Variants in PAPPA2 observed in about 807,000 individuals in gnomAD.
The protein encoded by PAPPA2 is pappalysin-2.
A neutral mutation model predicts 176.4 loss-of-function variants in PAPPA2; 86 were observed. The observed-to-expected ratio is 0.49, with a 90% CI of 0.41 to 0.58. The LOEUF (loss-of-function observed/expected upper bound fraction) is 0.58, where lower values mean the gene tolerates loss of function less well. Among genes scored for constraint, PAPPA2 ranks in the 20% least tolerant of loss-of-function variants. PAPPA2 has a pLI of 0.00. For synonymous variants in PAPPA2, 809 were observed against 852.2 expected (o/e 0.95, Z 0.88); for missense variants, 2,073 against 2,256.9 (o/e 0.92, Z 1.65).
intron 1 of PAPPA2, among the ~76,000 whole-genome samples, chr1:176,550,671 C>T (rs2102580372): frequency 6.6e-6 from 1 of 152,268 alleles, no homozygotes; most frequent in East Asian, 1.9e-4. Flanking sequence ...TAAAACATGA[C>T]CATTAACACT....
At chr1:176,659,781 T>TA (rs1246400709) in intron 3 of PAPPA2, among the ~76,000 whole-genome samples, 1 of 152,114 alleles carries the variant, frequency 6.6e-6, no homozygotes, top group Non-Finnish European at 1.5e-5. Flanking sequence ...CTTATCTCTT[T>TA]AATGTGTCTG....
intron 1 of PAPPA2, among the ~76,000 whole-genome samples, chr1:176,519,578 G>T (rs919402564): frequency 2.0e-5 from 3 of 152,268 alleles, no homozygotes; most frequent in African/African-American, 7.2e-5. Flanking sequence ...TGCCATGAAG[G>T]CAGGAAAAAC....
chr1:176,543,582 A>G (rs774225706), intron 1 of PAPPA2, among the ~76,000 whole-genome samples: 16 of 151,840 alleles, frequency 1.1e-4, no homozygotes, highest in Non-Finnish European at 2.1e-4. Context: ...TTGAGGAACT[A>G]CCCCAAGACT....
chr1:176,657,225 A>T (rs889274311), intron 3 of PAPPA2, among the ~76,000 whole-genome samples: 2 of 151,978 alleles, frequency 1.3e-5, no homozygotes, highest in Non-Finnish European at 2.9e-5. Flanking sequence ...AATCTGTCAG[A>T]TGAAAAGAAG....
intron 3 of PAPPA2, among the ~76,000 whole-genome samples, chr1:176,622,189 G>T (rs1435181049): frequency 6.6e-6 from 1 of 152,158 alleles, no homozygotes; most frequent in East Asian, 1.9e-4. Context: ...GTTTCCTGAG[G>T]AAAGAGAAGT....
chr1:176,814,368 G>T (rs12123952), intron 21 of PAPPA2, among the ~76,000 whole-genome samples: 28,980 of 151,998 alleles, frequency 0.19, 5,084 homozygotes, highest in African/African-American at 0.47. Flanking sequence ...TATGAATTAC[G>T]TTGGACAGTA....
At chr1:176,576,556 T>C (rs7543746) in intron 2 of PAPPA2, among the ~76,000 whole-genome samples, 6,036 of 151,998 alleles carry the variant, frequency 0.04, 402 homozygotes, top group African/African-American at 0.14. Context: ...CCTGAGTATG[T>C]TGATTGTATT....
At chr1:176,514,191 A>C (rs1648773721) in intron 1 of PAPPA2, among the ~76,000 whole-genome samples, 1 of 152,200 alleles carries the variant, frequency 6.6e-6, no homozygotes, top group Admixed American at 6.5e-5. Flanking sequence ...GTGAGGCCTC[A>C]GGATGCTTAC....
intron 22 of PAPPA2, 101 bp downstream of exon 22, chr1:176,840,372 T>C: frequency 1.1e-6 from 1 of 908,434 alleles, no homozygotes. Flanking sequence ...TGGGTTTGTA[T>C]TCAACAATTA....
intron 3 of PAPPA2, among the ~76,000 whole-genome samples, chr1:176,608,112 A>G (rs1356952779): frequency 6.6e-6 from 1 of 152,198 alleles, no homozygotes; most frequent in Non-Finnish European, 1.5e-5. Context: ...AACCAGGTAA[A>G]ATGTATACAA....
chr1:176,635,831 G>A, intron 3 of PAPPA2, among the ~76,000 whole-genome samples: 1 of 151,824 alleles, frequency 6.6e-6, no homozygotes, highest in East Asian at 1.9e-4. Flanking sequence ...TTTTTTGTGT[G>A]GTACATAGTT....
At chr1:176,827,154 C>T (rs564949749) in intron 21 of PAPPA2, among the ~76,000 whole-genome samples, 3 of 152,282 alleles carry the variant, frequency 2.0e-5, no homozygotes, top group South Asian at 2.1e-4. Flanking sequence ...TGTTCTTCTT[C>T]GTTCATATTG....
At chr1:176,800,709 G>A (rs1665645207) in intron 21 of PAPPA2, among the ~76,000 whole-genome samples, 1 of 152,154 alleles carries the variant, frequency 6.6e-6, no homozygotes, top group South Asian at 2.1e-4. Flanking sequence ...TGCACCCCAG[G>A]TGGGCAACTC....
chr1:176,713,688 C>G (rs1253333047), intron 12 of PAPPA2, among the ~76,000 whole-genome samples: 3 of 152,066 alleles, frequency 2.0e-5, no homozygotes, highest in Non-Finnish European at 2.9e-5. Context: ...CCCCCAGGCC[C>G]AAAGACAATC....
Position 176,594,809 on chromosome 1 carries a change from C to T in PAPPA2, c.1205C>T (p.Ser402Phe), listed in dbSNP as rs1653869175. The T allele has an allele frequency of 1.9e-6, 3 of 1,614,130 alleles. No homozygotes were observed. Among genetic ancestry groups the T allele is most frequent in the Non-Finnish European group, 2.5e-6 (3 of 1,180,054 alleles). Reference sequence around the variant, plus strand: ...CCCCTGAACAGCCCCTTCATGGCATCTTGCCGCTCTTTGCTCCTGGGGGGA... The same window carrying T: ...CCCCTGAACAGCCCCTTCATGGCATTTTGCCGCTCTTTGCTCCTGGGGGGA... ...SGPLNSPFMA[S>F]CRSLLLGGDS... is the part of the protein sequence containing the mutation. Residue 402 changes from serine to phenylalanine, a missense_variant, in exon 3 of 23, where the codon TCT (serine) becomes TTT (phenylalanine). By Grantham distance (155) the Ser-to-Phe change is radical. Around this residue, in one of 4 missense-constraint regions of PAPPA2, gnomAD observed 1,196 missense variants for 1,330.4 expected, o/e 0.90. Coordinates refer to ENST00000367662, the MANE Select transcript of PAPPA2 (RefSeq NM_020318.3).
In PAPPA2 at chr1:176,729,098, G is replaced by A. The variant is rs115859997; in HGVS notation, c.3799-10528G>A. On this transcript the variant is annotated intron_variant, in intron 12 of 22. Transcript: ENST00000367662. ...GCTAAGATTGCAAAGATACCTTTTC[G>A]TTTTTAAATTAGTTTTATACTTTTG... Among the ~76,000 whole-genome samples, 568 of 151,572 alleles carry A rather than the reference G, an allele frequency of 3.7e-3. 1 individual carries two copies. The highest frequency in any genetic ancestry group is 6.1e-3 in the Non-Finnish European group (412 of 67,712).
At chr1:176,682,012 A>G (rs953862756) in intron 4 of PAPPA2, among the ~76,000 whole-genome samples, 5 of 152,064 alleles carry the variant, frequency 3.3e-5, no homozygotes, top group African/African-American at 1.2e-4. Flanking sequence ...TGGAGGTGAG[A>G]TATCCCTTAC....
intron 3 of PAPPA2, among the ~76,000 whole-genome samples, chr1:176,636,130 C>T (rs574974923): frequency 3.3e-5 from 5 of 152,204 alleles, no homozygotes; most frequent in East Asian, 1.9e-4. Flanking sequence ...CTGTTGAGAA[C>T]GTGAAAGGGA....
chr1:176,467,673 T>A (rs1651689662), intron 1 of PAPPA2, among the ~76,000 whole-genome samples: 1 of 152,166 alleles, frequency 6.6e-6, no homozygotes, highest in South Asian at 2.1e-4. Context: ...CTTCACTCTG[T>A]TTCACAAATG....
Sources: gnomAD v4.1 joint callset for allele counts (sites outside exome capture counted in the v4.1 genomes callset) on GRCh38, gnomAD v4.1.1 for gene constraint, gnomAD v4.1.1 regional missense constraint, MANE v1.5 for transcripts, NCBI Gene and HGNC (gene_info 2026-07-23, HGNC 2026-07-21) for gene names.